The following LAMA2 variants were observed in gnomAD, a reference collection of about 807,000 sequenced individuals.
The protein encoded by LAMA2 is laminin subunit alpha-2.
Under a neutral mutation model 364.8 loss-of-function variants are expected in LAMA2, and 269 were observed. The ratio of observed to expected loss-of-function variants is 0.74; its 90% CI spans 0.67 to 0.82. The LOEUF is 0.82. LAMA2 is among the 40% of genes least tolerant of loss of function. The pLI, the probability that LAMA2 is intolerant of heterozygous loss-of-function variation, is 0.00. For missense variants in LAMA2, 3,807 were observed against 3,873.2 expected, an observed-to-expected ratio of 0.98 and a Z score of 0.45; for synonymous variants, 1,379 against 1,370.6, an observed-to-expected ratio of 1.01 and a Z score of -0.14.
At chr6:129,108,601 G>C (rs947982871) in intron 4 of LAMA2, among the ~76,000 whole-genome samples, 2 of 151,754 alleles carry the variant, frequency 1.3e-5, no homozygotes, top group African/African-American at 2.4e-5. Flanking sequence ...CCTTTCAGCT[G>C]TTCTTAAAAG....
intron 1 of LAMA2, among the ~76,000 whole-genome samples, chr6:128,911,477 T>C (rs1227820580): frequency 6.6e-6 from 1 of 152,176 alleles, no homozygotes; most frequent in African/African-American, 2.4e-5. Flanking sequence ...AGTGAGGCAA[T>C]GCCTCACCCT....
chr6:129,194,179 G>T (rs779920173), intron 12 of LAMA2, among the ~76,000 whole-genome samples: 5 of 151,166 alleles, frequency 3.3e-5, no homozygotes, highest in Admixed American at 6.6e-5. Context: ...GCTTAAAATT[G>T]CCAAAAAAAT....
chr6:129,235,051 T>G (rs1295365221), intron 12 of LAMA2, among the ~76,000 whole-genome samples: 1 of 152,196 alleles, frequency 6.6e-6, no homozygotes, highest in Admixed American at 6.5e-5. Flanking sequence ...GTTAAGAAGA[T>G]AATTTTATAA....
At chr6:129,256,387 G>A (rs1002607822) in intron 14 of LAMA2, among the ~76,000 whole-genome samples, 1 of 152,070 alleles carries the variant, frequency 6.6e-6, no homozygotes, top group Non-Finnish European at 1.5e-5. Context: ...TAGACAGTAA[G>A]TAGTAACTAT....
At chr6:128,939,453 A>C (rs1780029086) in intron 1 of LAMA2, among the ~76,000 whole-genome samples, 1 of 152,184 alleles carries the variant, frequency 6.6e-6, no homozygotes, top group Admixed American at 6.5e-5. Flanking sequence ...TTCATAAGGA[A>C]TGCAACAGCT....
chr6:129,379,500 C>T (rs1236293523), intron 34 of LAMA2, among the ~76,000 whole-genome samples: 4 of 152,160 alleles, frequency 2.6e-5, no homozygotes. Context: ...TGCCGGGAAC[C>T]TCACGTCTCC....
intron 43 of LAMA2, chr6:129,442,721 A>G: frequency 2.9e-6 from 1 of 348,520 alleles, no homozygotes; most frequent in Non-Finnish European, 5.4e-6. Flanking sequence ...TTTTAGATTG[A>G]TTCTCAACTG....
chr6:128,959,012 A>T (rs4585583), intron 1 of LAMA2, among the ~76,000 whole-genome samples: 31,984 of 152,128 alleles, frequency 0.21, 4,896 homozygotes, highest in African/African-American at 0.43. Flanking sequence ...AAATAAATAT[A>T]TAATGCTAAC....
intron 56 of LAMA2, among the ~76,000 whole-genome samples, 184 bp from the exon 57 acceptor site, chr6:129,491,717 C>T (rs913718052): frequency 5.3e-5 from 8 of 152,072 alleles, no homozygotes; most frequent in African/African-American, 1.9e-4. Flanking sequence ...GAAGAGTGAA[C>T]GAGGGAGTCA....
intron 4 of LAMA2, among the ~76,000 whole-genome samples, chr6:129,142,047 C>A (rs1344457908): frequency 6.6e-6 from 1 of 152,000 alleles, no homozygotes; most frequent in African/African-American, 2.4e-5. Context: ...TTGAGAGATT[C>A]CTCATTCTTT....
chr6:129,088,414 C>T (rs1005177758), intron 3 of LAMA2, among the ~76,000 whole-genome samples: 1 of 152,288 alleles, frequency 6.6e-6, no homozygotes, highest in African/African-American at 2.4e-5. Flanking sequence ...CTGGGTACAC[C>T]TCCCAGATGG....
rs11963264 is a variant in LAMA2 at position 129,430,024 on chromosome 6, A to G, written c.5968+2170A>G. Among the ~76,000 whole-genome samples the G allele has an allele frequency of 6.1e-3, 924 of 152,302 alleles. 8 individuals are homozygous for G. Among genetic ancestry groups the G allele is most frequent in the African/African-American group, 0.02 (825 of 41,568 alleles). ...TTATTTAAAGTAATGAAAACCCACA[A>G]ACTACTCAAGTAATAATTCCTCTAG... On this transcript the variant is annotated intron_variant, in intron 41 of 64. Coordinates refer to ENST00000421865, the MANE Select transcript of LAMA2 (RefSeq NM_000426.4).
intron 1 of LAMA2, among the ~76,000 whole-genome samples, chr6:128,938,146 C>T (rs1158148253): frequency 1.3e-5 from 2 of 152,020 alleles, no homozygotes; most frequent in Non-Finnish European, 2.9e-5. Flanking sequence ...TCACCACTTA[C>T]AAGGTATTTA....
At chr6:129,360,923 A>G (rs1461901648) in intron 32 of LAMA2, among the ~76,000 whole-genome samples, 1 of 152,198 alleles carries the variant, frequency 6.6e-6, no homozygotes, top group Non-Finnish European at 1.5e-5. Flanking sequence ...AACGATAGGT[A>G]CTTTCCTTGG....
In LAMA2 at chr6:129,109,200, ATCTGTT is replaced by A. The variant is rs1237699632; in HGVS notation, c.639+10786_639+10791del. 8.5e-5 allele frequency among the ~76,000 whole-genome samples: 13 copies of A among 152,150 alleles called. No homozygotes were observed. In the East Asian group the frequency reaches 1.7e-3, roughly 20 times the overall value. ...CATCAGGAACATTTTTAAACACAGAATCTGTTGATTCTGTGTTGGGGGCAGAGGCTG... is the reference window on the plus strand; with the variant it reads ...CATCAGGAACATTTTTAAACACAGAAGATTCTGTGTTGGGGGCAGAGGCTG... On this transcript the variant is annotated intron_variant, in intron 4 of 64. Transcript: ENST00000421865.
chr6:129,121,798 A>G (rs563104876), intron 4 of LAMA2, among the ~76,000 whole-genome samples: 32 of 152,332 alleles, frequency 2.1e-4, no homozygotes, highest in Admixed American at 1.9e-3. Context: ...TATAAACAAT[A>G]TATTTTGAAT....
intron 1 of LAMA2, among the ~76,000 whole-genome samples, chr6:128,911,279 A>G (rs374768440): frequency 1.3e-5 from 2 of 152,204 alleles, no homozygotes; most frequent in East Asian, 1.9e-4. Flanking sequence ...CTGTGCTAGC[A>G]ATCAGTGAGA....
chr6:128,996,767 C>T (rs1322430024), intron 1 of LAMA2, among the ~76,000 whole-genome samples: 1 of 152,210 alleles, frequency 6.6e-6, no homozygotes, highest in Non-Finnish European at 1.5e-5. Context: ...CCAGCCATCC[C>T]ATTACTGGGT....
intron 30 of LAMA2, 78 bp from the exon 31 acceptor site, chr6:129,349,220 C>T (rs945318078): frequency 6.2e-6 from 7 of 1,133,876 alleles, no homozygotes; most frequent in Admixed American, 3.5e-5. Context: ...TCCCAATAAC[C>T]TTGATCATGG....
Sources: allele counts gnomAD v4.1 joint callset (sites outside exome capture counted in the v4.1 genomes callset), GRCh38; gene constraint gnomAD v4.1.1; transcripts MANE v1.5; gene names NCBI Gene and HGNC (gene_info 2026-07-23, HGNC 2026-07-21).